FREM2: variants seen among roughly 807,000 people sequenced by gnomAD.
The protein encoded by FREM2 is FRAS1 related extracellular matrix 2.
In FREM2, 119 loss-of-function variants were observed where a neutral mutation model predicts 219.9. The ratio of observed to expected loss-of-function variants is 0.54; its 90% CI spans 0.47 to 0.63. The LOEUF (loss-of-function observed/expected upper bound fraction) is 0.63. Ranked by LOEUF, FREM2 falls within the 30% of genes least tolerant of loss-of-function variation. FREM2 has a pLI of 0.00. For synonymous variants in FREM2, 1,562 were observed against 1,522.8 expected, an observed-to-expected ratio of 1.03 and a Z score of -0.60; for missense variants, 4,030 against 3,993.6, an observed-to-expected ratio of 1.01 and a Z score of -0.25.
intron 2 of FREM2, among the ~76,000 whole-genome samples, chr13:38,721,516 G>T (rs77434684): frequency 6.6e-6 from 1 of 152,294 alleles, no homozygotes; most frequent in East Asian, 1.9e-4. Context: ...GTAGCAAGCT[G>T]ACCCTCAATG....
intron 6 of FREM2, among the ~76,000 whole-genome samples, chr13:38,804,363 G>C (rs914707226): frequency 6.6e-6 from 1 of 150,784 alleles, no homozygotes; most frequent in Non-Finnish European, 1.5e-5. Flanking sequence ...AGATATTATA[G>C]TCTGAAAACA....
chr13:38,863,674 G>A (rs906827684), intron 15 of FREM2, among the ~76,000 whole-genome samples: 16 of 152,134 alleles, frequency 1.1e-4, no homozygotes, highest in African/African-American at 3.4e-4. Context: ...ATCATATCTT[G>A]TAGTCTCTGA....
In FREM2 at chr13:38,692,864, G is replaced by A. The variant is rs189167021; in HGVS notation, c.5173+347G>A. 6.6e-5 allele frequency among the ~76,000 whole-genome samples: 10 copies of A among 152,244 alleles called. No homozygotes were observed. In the East Asian group the frequency reaches 1.9e-3, roughly 29 times the overall value. On this transcript the variant is annotated intron_variant, in intron 1 of 23. Coordinates refer to ENST00000280481, the MANE Select transcript of FREM2 (RefSeq NM_207361.6). ...ATCCTCTGTGTTGTATGCTGCAGGT[G>A]GTTCATGAAGCATTTTGGCACCTTA...
At chr13:38,869,105 A>T (rs191690202) in intron 16 of FREM2, among the ~76,000 whole-genome samples, 69 of 152,364 alleles carry the variant, frequency 4.5e-4, no homozygotes, top group African/African-American at 1.6e-3. Context: ...AACACATTTT[A>T]TCAACTGGCA....
intron 2 of FREM2, among the ~76,000 whole-genome samples, chr13:38,699,777 A>T: frequency 6.6e-6 from 1 of 152,098 alleles, no homozygotes; most frequent in East Asian, 1.9e-4. Context: ...GGTATCCCTA[A>T]ATTGTTTTAA....
chr13:38,839,644 A>T (rs1246163203), intron 6 of FREM2, among the ~76,000 whole-genome samples: 1 of 152,126 alleles, frequency 6.6e-6, no homozygotes, highest in African/African-American at 2.4e-5. Context: ...TCTTTCAGAG[A>T]TGTCTTGCCC....
At position 38,805,780 on chromosome 13, in the gene FREM2, T is replaced by C. The variant is rs770350674; in HGVS notation, c.6019+20972T>C. 3.1e-4 allele frequency among the ~76,000 whole-genome samples: 47 copies of C among 151,952 alleles called. 1 individual carries two copies. The highest frequency in any genetic ancestry group is 5.9e-4 in the Non-Finnish European group (40 of 68,024). ...TTGGCTGTTAGCTACAAATAGTAAT[T>C]ATCACTTGTTATATATTAAGAAAAT... On this transcript the variant is annotated intron_variant, in intron 6 of 23. Coordinates refer to ENST00000280481, the MANE Select transcript of FREM2 (RefSeq NM_207361.6).
intron 2 of FREM2, among the ~76,000 whole-genome samples, chr13:38,715,276 A>G (rs1183738317): frequency 6.6e-6 from 1 of 152,204 alleles, no homozygotes; most frequent in East Asian, 1.9e-4. Context: ...AAATCCCACC[A>G]CATGTTTTGA....
chr13:38,841,998 C>G (rs556186878), intron 6 of FREM2, among the ~76,000 whole-genome samples: 13 of 152,122 alleles, frequency 8.5e-5, no homozygotes, highest in African/African-American at 2.9e-4. Context: ...AGGGTGCTCC[C>G]CACAGAAGTG....
chr13:38,816,597 T>C (rs1012554900), intron 6 of FREM2, among the ~76,000 whole-genome samples: 3 of 152,196 alleles, frequency 2.0e-5, no homozygotes, highest in African/African-American at 4.8e-5. Context: ...CAGCCATATA[T>C]GACAAACACA....
rs1017685543 is a variant in FREM2 at position 38,884,343 on chromosome 13, C to A, written c.*3556C>A. 6.6e-6 allele frequency: 1 copy of A among 152,132 alleles called. No homozygotes were observed. Among genetic ancestry groups the A allele is most frequent in the African/African-American group, 2.4e-5 (1 of 41,426 alleles). 9.4% of individuals were successfully genotyped at this position (152,132 alleles called of 1,614,324 possible). On this transcript the variant is annotated 3_prime_UTR_variant, in exon 24 of 24. Transcript: ENST00000280481. The stretch of plus-strand genomic sequence containing the variant: ...TCACAGAGAGCTTTTCCTTATACAT[C>A]TCAATGCTGAGAGTTAAAATATTCC...
intron 2 of FREM2, among the ~76,000 whole-genome samples, chr13:38,739,297 TA>T (rs1308077616): frequency 2.6e-5 from 4 of 152,220 alleles, no homozygotes; most frequent in Non-Finnish European, 5.9e-5. Flanking sequence ...ATGGATTTAA[TA>T]ACTTACATTT....
intron 4 of FREM2, among the ~76,000 whole-genome samples, chr13:38,773,365 T>C (rs1233032099): frequency 2.6e-5 from 4 of 152,020 alleles, no homozygotes; most frequent in Non-Finnish European, 5.9e-5. Flanking sequence ...CAGTCACTCA[T>C]TGAGATTGAT....
chr13:38,736,557 A>ATTT (rs1872003426), intron 2 of FREM2, among the ~76,000 whole-genome samples: 1 of 152,238 alleles, frequency 6.6e-6, no homozygotes, highest in Non-Finnish European at 1.5e-5. Context: ...ATGTTTATTT[A>ATTT]ATATGGCATT....
intron 6 of FREM2, among the ~76,000 whole-genome samples, chr13:38,829,824 AT>A (rs1328274849): frequency 1.3e-5 from 2 of 152,022 alleles, no homozygotes; most frequent in Non-Finnish European, 2.9e-5. Context: ...TTGGAGTGAA[AT>A]TTATTTTACC....
chr13:38,776,076 T>C (rs1873859073), intron 4 of FREM2, among the ~76,000 whole-genome samples: 1 of 152,238 alleles, frequency 6.6e-6, no homozygotes, highest in African/African-American at 2.4e-5. Context: ...TAAAAATTAG[T>C]CTATATTACT....
chr13:38,873,047 C>T, intron 17 of FREM2, 113 bp downstream of exon 17: 1 of 812,636 alleles, frequency 1.2e-6, no homozygotes, highest in Non-Finnish European at 2.0e-6. Context: ...AGTATATTTT[C>T]ATTTTCTATC....
chr13:38,708,776 T>G (rs1185809997), intron 2 of FREM2, among the ~76,000 whole-genome samples: 4 of 152,240 alleles, frequency 2.6e-5, no homozygotes, highest in Non-Finnish European at 5.9e-5. Flanking sequence ...TGTTTTGTTT[T>G]GAGACAGAAT....
Position 38,882,683 on chromosome 13 carries a change from C to CCCTTT in FREM2, c.*1902_*1906dup, listed in dbSNP as rs886050201. 10 of 152,200 alleles carry CCCTTT rather than the reference C, an allele frequency of 6.6e-5. No individual in the cohort carries two copies. Among genetic ancestry groups the CCCTTT allele is most frequent in the African/African-American group, 9.6e-5 (4 of 41,554 alleles). 9.4% of individuals were successfully genotyped at this position (152,200 alleles called of 1,614,324 possible). ...AATAGTGGTAATTTCTTAATCATTCCCCTTTCCTTTGCTTTACCTTCTGGC... is the reference window on the plus strand; with the variant it reads ...AATAGTGGTAATTTCTTAATCATTCCCCTTTCCTTTCCTTTGCTTTACCTTCTGGC... On this transcript the variant is annotated 3_prime_UTR_variant, in exon 24 of 24. Transcript: ENST00000280481.
Sources: allele counts gnomAD v4.1 joint callset (sites outside exome capture counted in the v4.1 genomes callset), GRCh38; gene constraint gnomAD v4.1.1; transcripts MANE v1.5; gene names NCBI Gene and HGNC (gene_info 2026-07-23, HGNC 2026-07-21).